Variants in PTPRK observed in about 807,000 individuals in gnomAD.
The protein encoded by PTPRK is receptor-type tyrosine-protein phosphatase kappa.
PTPRK carries 75 observed loss-of-function variants against 178.0 expected under a neutral mutation model. The observed-to-expected ratio is 0.42, with a 90% CI of 0.35 to 0.51. The LOEUF (loss-of-function observed/expected upper bound fraction) is 0.51. Ranked by LOEUF, PTPRK falls within the 20% of genes least tolerant of loss-of-function variation. PTPRK has a pLI of 0.02. For synonymous variants in PTPRK, 637 were observed against 620.6 expected, an observed-to-expected ratio of 1.03 and a Z score of -0.39; for missense variants, 1,441 against 1,797.8, an observed-to-expected ratio of 0.80 and a Z score of 3.59.
At chr6:128,060,978 G>A (rs187588553) in intron 13 of PTPRK, among the ~76,000 whole-genome samples, 5 of 152,072 alleles carry the variant, frequency 3.3e-5, no homozygotes, top group Admixed American at 2.0e-4. Context: ...TCTACCTTAC[G>A]TTTTGTTCAA....
chr6:128,214,742 G>A (rs1157039339), intron 6 of PTPRK, among the ~76,000 whole-genome samples: 2 of 152,034 alleles, frequency 1.3e-5, no homozygotes, highest in Non-Finnish European at 2.9e-5. Flanking sequence ...TTAATGACTT[G>A]ATCAACAAAT....
chr6:128,386,784 C>T (rs556793178), intron 2 of PTPRK, among the ~76,000 whole-genome samples: 4 of 152,176 alleles, frequency 2.6e-5, no homozygotes, highest in East Asian at 1.9e-4. Context: ...CTAAAGGAAA[C>T]GGGCTGGGTG....
At chr6:128,460,521 G>A (rs910823507) in intron 1 of PTPRK, among the ~76,000 whole-genome samples, 15 of 151,856 alleles carry the variant, frequency 9.9e-5, no homozygotes, top group Non-Finnish European at 1.9e-4. Flanking sequence ...CTCCAGCCTA[G>A]GCAACAAAGT....
At chr6:127,985,025 G>A (rs1775780604) in intron 22 of PTPRK, among the ~76,000 whole-genome samples, 1 of 152,182 alleles carries the variant, frequency 6.6e-6, no homozygotes, top group African/African-American at 2.4e-5. Flanking sequence ...TTGGAGGGAA[G>A]AGCGTATGAG....
At chr6:128,429,762 T>C (rs373876016) in intron 1 of PTPRK, among the ~76,000 whole-genome samples, 2 of 152,214 alleles carry the variant, frequency 1.3e-5, no homozygotes, top group East Asian at 3.8e-4. Context: ...ACTCAGAATG[T>C]AAACTTACTC....
intron 3 of PTPRK, among the ~76,000 whole-genome samples, chr6:128,288,857 T>C (rs1158927368): frequency 6.6e-6 from 1 of 152,128 alleles, no homozygotes; most frequent in Admixed American, 6.6e-5. Flanking sequence ...AATACCACTT[T>C]AGCACTTTTA....
intron 2 of PTPRK, among the ~76,000 whole-genome samples, chr6:128,336,942 C>G (rs1168206244): frequency 6.6e-6 from 1 of 152,088 alleles, no homozygotes; most frequent in African/African-American, 2.4e-5. Flanking sequence ...GCTCAAAAAT[C>G]CTCGCAAACT....
chr6:128,305,111 CAAGA>C (rs1042622758), intron 3 of PTPRK, among the ~76,000 whole-genome samples: 51 of 152,076 alleles, frequency 3.4e-4, no homozygotes, highest in African/African-American at 1.1e-3. Context: ...AAAAAGAAGA[CAAGA>C]AAGAGTCGAT....
intron 3 of PTPRK, among the ~76,000 whole-genome samples, chr6:128,262,700 CT>C (rs1265422821): frequency 6.6e-6 from 1 of 151,938 alleles, no homozygotes; most frequent in Non-Finnish European, 1.5e-5. Flanking sequence ...GAATTCCTAC[CT>C]TTCTGTTTAA....
At chr6:128,237,844 T>G (rs1813577495) in intron 5 of PTPRK, among the ~76,000 whole-genome samples, 1 of 152,180 alleles carries the variant, frequency 6.6e-6, no homozygotes, top group Non-Finnish European at 1.5e-5. Context: ...TTTTTTACTT[T>G]TGGCAAAAGT....
chr6:128,415,717 T>C (rs1302713429), intron 1 of PTPRK, among the ~76,000 whole-genome samples: 2 of 152,160 alleles, frequency 1.3e-5, no homozygotes, highest in Admixed American at 1.3e-4. Flanking sequence ...AGCGTTATGA[T>C]TACAATAATA....
chr6:128,390,368 A>C (rs1333867460), intron 2 of PTPRK, among the ~76,000 whole-genome samples: 1 of 152,162 alleles, frequency 6.6e-6, no homozygotes, highest in Admixed American at 6.6e-5. Context: ...CCAAGGGATG[A>C]GAATATCATA....
intron 7 of PTPRK, among the ~76,000 whole-genome samples, chr6:128,090,515 A>C (rs972706201): frequency 6.6e-6 from 1 of 152,236 alleles, no homozygotes; most frequent in Non-Finnish European, 1.5e-5. Flanking sequence ...GTTGTTCATC[A>C]AAGCAAAAAA....
intron 7 of PTPRK, among the ~76,000 whole-genome samples, chr6:128,092,112 T>C (rs924985778): frequency 1.4e-4 from 21 of 152,216 alleles, no homozygotes; most frequent in Admixed American, 6.5e-5. Context: ...TCCTACACAA[T>C]GTATATAAAG....
At chr6:128,136,086 A>G (rs538093432) in intron 7 of PTPRK, among the ~76,000 whole-genome samples, 2 of 152,172 alleles carry the variant, frequency 1.3e-5, no homozygotes, top group African/African-American at 2.4e-5. Flanking sequence ...AAGAAGAGAA[A>G]GAGATATCTG....
intron 1 of PTPRK, among the ~76,000 whole-genome samples, chr6:128,459,550 C>A (rs1247207228): frequency 6.6e-6 from 1 of 152,166 alleles, no homozygotes; most frequent in African/African-American, 2.4e-5. Context: ...ACCAGTGAAA[C>A]AGCACAGGCC....
intron 2 of PTPRK, among the ~76,000 whole-genome samples, chr6:128,340,038 G>T (rs1334961288): frequency 1.3e-5 from 2 of 152,152 alleles, no homozygotes; most frequent in Non-Finnish European, 2.9e-5. Flanking sequence ...AAAGAGAGTG[G>T]TGGTGAAAGA....
chr6:128,139,342 G>A (rs1222429370), intron 7 of PTPRK, among the ~76,000 whole-genome samples: 5 of 151,980 alleles, frequency 3.3e-5, no homozygotes, highest in Admixed American at 3.3e-4. Context: ...ATGAGAGCCC[G>A]ATAGGTAAAA....
chr6:128,080,022 T>G (rs1329558532), intron 10 of PTPRK, among the ~76,000 whole-genome samples: 2 of 131,350 alleles, frequency 1.5e-5, no homozygotes, highest in African/African-American at 2.8e-5. Context: ...GGTCTGGGGG[T>G]GGGGGGTCAC....
Sources: allele counts gnomAD v4.1 joint callset (sites outside exome capture counted in the v4.1 genomes callset), GRCh38; gene constraint gnomAD v4.1.1; transcripts MANE v1.5; gene names NCBI Gene and HGNC (gene_info 2026-07-23, HGNC 2026-07-21).